The following PYGB variants were observed in gnomAD, a reference collection of about 807,000 sequenced individuals.
The protein encoded by PYGB is glycogen phosphorylase, brain form.
A neutral mutation model predicts 94.3 loss-of-function variants in PYGB; 82 were observed. The observed-to-expected ratio is 0.87, with a 90% CI of 0.73 to 1.04. The LOEUF (loss-of-function observed/expected upper bound fraction) is 1.04. Ranked by LOEUF, PYGB falls within the 50% of genes least tolerant of loss-of-function variation. The probability of loss-of-function intolerance (pLI) is 0.00; values close to 1 mark genes in which losing one functional copy is unlikely to be tolerated. For missense variants in PYGB, 1,132 were observed against 1,158.2 expected, an observed-to-expected ratio of 0.98 and a Z score of 0.33; for synonymous variants, 488 against 479.1, an observed-to-expected ratio of 1.02 and a Z score of -0.24.
chr20:25,285,157 C>G (rs940284408), intron 14 of PYGB: 1 of 152,238 alleles, frequency 6.6e-6, no homozygotes, highest in Non-Finnish European at 1.5e-5. Context: ...AGGCCACCCC[C>G]GCTGAGGACC....
chr20:25,269,038 A>C, intron 2 of PYGB, 91 bp from the exon 3 acceptor site: 1 of 1,132,522 alleles, frequency 8.8e-7, no homozygotes, highest in East Asian at 2.4e-5. Context: ...AACTTTTAGC[A>C]TAAGCTCACA....
chr20:25,255,828 G>A (rs1431978985), intron 1 of PYGB, among the ~76,000 whole-genome samples: 2 of 152,022 alleles, frequency 1.3e-5, no homozygotes, highest in Admixed American at 6.5e-5. Context: ...CCGCCTCCCG[G>A]GTTCAGGCGA....
chr20:25,274,870 C>G, intron 5 of PYGB, 147 bp downstream of exon 5: 2 of 1,247,242 alleles, frequency 1.6e-6, no homozygotes, highest in Non-Finnish European at 1.1e-6. Flanking sequence ...GAGGTTTATT[C>G]TCCTCACTCC....
Position 25,282,090 on chromosome 20 carries a change from CA to C in PYGB, c.1462del (p.Thr488ProfsTer26). 1 of 1,613,744 alleles carries C rather than the reference CA, an allele frequency of 6.2e-7. No individual in the cohort carries two copies. The highest frequency in any genetic ancestry group is 8.5e-7 in the Non-Finnish European group (1 of 1,179,808). On this transcript the variant is annotated frameshift_variant, in exon 12 of 20. Coordinates refer to ENST00000216962, the MANE Select transcript of PYGB (RefSeq NM_002862.4). LOFTEE classifies it high-confidence loss of function. ...AGTTCCAGAATAAGACCAATGGCAT[CA>C]CCCCCCGCCGGTGGCTGCTGCTGTG... ...EKFQNKTNGI[T>X]PRRWLLLCNP...
intron 1 of PYGB, among the ~76,000 whole-genome samples, chr20:25,257,285 G>A (rs1184078093): frequency 6.6e-6 from 1 of 152,246 alleles, no homozygotes; most frequent in Non-Finnish European, 1.5e-5. Flanking sequence ...GGCCCGGCAG[G>A]CCCTGGGCAG....
In PYGB at chr20:25,294,275, G is replaced by C; in HGVS notation, c.2295G>C (p.Met765Ile). 6.6e-7 allele frequency: 1 copy of C among 1,525,174 alleles called. No individual in the cohort carries two copies. The highest frequency in any genetic ancestry group is 8.9e-7 in the Non-Finnish European group (1 of 1,121,968). 94.5% of individuals were successfully genotyped at this position (1,525,174 alleles called of 1,614,324 possible). The change falls in exon 18 of 20, where the codon ATG becomes ATC. Residue 765 changes from methionine (M) to isoleucine (I), a missense_variant. Coordinates refer to ENST00000216962, the MANE Select transcript of PYGB (RefSeq NM_002862.4). Reference sequence around the variant, plus strand: ...ACTGCTTCAAGGACATCGTGAACATGCTGATGCACCATGACAGGTGGGACC... The same window carrying C: ...ACTGCTTCAAGGACATCGTGAACATCCTGATGCACCATGACAGGTGGGACC... Reference protein sequence around the residue: ...EPDCFKDIVNMLMHHDRFKVF... With the variant: ...EPDCFKDIVNILMHHDRFKVF...
At chr20:25,295,212 AATGGAG>A (rs2088521563) in intron 18 of PYGB, among the ~76,000 whole-genome samples, 1 of 152,254 alleles carries the variant, frequency 6.6e-6, no homozygotes, top group Non-Finnish European at 1.5e-5. Context: ...TAAGACGGCA[AATGGAG>A]ATGCCGTTCC....
intron 2 of PYGB, among the ~76,000 whole-genome samples, chr20:25,268,167 C>CCCCT (rs1555806072): frequency 1.7e-4 from 16 of 95,026 alleles, no homozygotes; most frequent in Admixed American, 3.6e-4. Flanking sequence ...ACCCGCCCCC[C>CCCCT]CCCCATATCC....
At chr20:25,287,213 T>C (rs991303147) in intron 14 of PYGB, among the ~76,000 whole-genome samples, 1 of 152,228 alleles carries the variant, frequency 6.6e-6, no homozygotes, top group Non-Finnish European at 1.5e-5. Flanking sequence ...TGAAGAACTT[T>C]GGGGGCCCTC....
chr20:25,264,691 A>G (rs1039304295), intron 2 of PYGB, among the ~76,000 whole-genome samples: 2 of 152,206 alleles, frequency 1.3e-5, no homozygotes, highest in Non-Finnish European at 2.9e-5. Context: ...TTCAAAGAGA[A>G]TAAAATACCT....
Position 25,283,190 on chromosome 20 carries a change from G to A in PYGB, c.1533G>A (p.Glu511=). 6.2e-7 allele frequency: 1 copy of A among 1,613,672 alleles called. No homozygotes were observed. The change falls in exon 13 of 20, where the codon GAG becomes GAA. Residue 511 remains glutamate, a synonymous_variant. Transcript: ENST00000216962. ...ADTIVEKIGE[E]FLTDLSQLKK... Reference sequence around the variant, plus strand: ...ACGTTCTCCAGAAAATTGGGGAGGAGTTCCTGACTGACCTGAGCCAGCTGA... The same window carrying A: ...ACGTTCTCCAGAAAATTGGGGAGGAATTCCTGACTGACCTGAGCCAGCTGA...
In PYGB at chr20:25,297,375, G is replaced by A. The variant is rs1157855246; in HGVS notation, c.*853G>A. 1.3e-5 allele frequency: 2 copies of A among 152,432 alleles called. No individual in the cohort carries two copies. Among genetic ancestry groups the A allele is most frequent in the African/African-American group, 4.8e-5 (2 of 41,462 alleles). 9.4% of individuals were successfully genotyped at this position (152,432 alleles called of 1,614,324 possible). Reference sequence around the variant, plus strand: ...ATTGTACTTGGTCACTTTTGTGCTTGAGGAGGCCCATTTTCTGCCTGGCAG... The same window carrying A: ...ATTGTACTTGGTCACTTTTGTGCTTAAGGAGGCCCATTTTCTGCCTGGCAG... On this transcript the variant is annotated 3_prime_UTR_variant, in exon 20 of 20. Coordinates refer to ENST00000216962, the MANE Select transcript of PYGB (RefSeq NM_002862.4).
intron 19 of PYGB, 61 bp downstream of exon 19, chr20:25,295,731 G>A: frequency 6.6e-7 from 1 of 1,507,010 alleles, no homozygotes; most frequent in Non-Finnish European, 9.2e-7. Context: ...AGACGTGTTG[G>A]GTCAGATTGT....
rs192111502 is a variant in PYGB, at chr20:25,262,031, T to C, written c.345+2693T>C. On this transcript the variant is annotated intron_variant, in intron 2 of 19. Coordinates refer to ENST00000216962, the MANE Select transcript of PYGB (RefSeq NM_002862.4). Reference sequence around the variant, plus strand: ...ATGTATCTGAAAGTGATGGGGAGAATGGCACCAAGTTGGAAAACACTCTTC... The same window carrying C: ...ATGTATCTGAAAGTGATGGGGAGAACGGCACCAAGTTGGAAAACACTCTTC... 6.6e-3 allele frequency among the ~76,000 whole-genome samples: 1,009 copies of C among 152,188 alleles called. 15 individuals are homozygous for C. Among genetic ancestry groups the C allele is most frequent in the African/African-American group, 0.023 (967 of 41,500 alleles).
chr20:25,271,604 C>T, intron 4 of PYGB, 118 bp downstream of exon 4: 2 of 1,122,798 alleles, frequency 1.8e-6, no homozygotes, highest in Non-Finnish European at 2.6e-6. Flanking sequence ...TGCAGGCCGG[C>T]CAGGGCAATG....
At chr20:25,274,079 G>A (rs1256177059) in intron 4 of PYGB, among the ~76,000 whole-genome samples, 3 of 152,158 alleles carry the variant, frequency 2.0e-5, no homozygotes, top group Non-Finnish European at 2.9e-5. Context: ...ATAGAGAGTC[G>A]ATTTCAGTAT....
chr20:25,291,364 C>A (rs1183671370), intron 16 of PYGB, among the ~76,000 whole-genome samples: 1 of 152,188 alleles, frequency 6.6e-6, no homozygotes, highest in African/African-American at 2.4e-5. Flanking sequence ...CTCGTGCTCC[C>A]CTCCTGCCGC....
intron 19 of PYGB, 46 bp from the exon 20 acceptor site, chr20:25,296,324 C>G (rs750678813): frequency 6.2e-7 from 1 of 1,609,808 alleles, no homozygotes; most frequent in East Asian, 2.2e-5. Flanking sequence ...TTTAGCAGCC[C>G]CAAGCCCTGT....
chr20:25,250,862 A>G (rs2092885783), intron 1 of PYGB: 1 of 152,212 alleles, frequency 6.6e-6, no homozygotes, highest in Non-Finnish European at 1.5e-5. Flanking sequence ...GAAAATATAG[A>G]TAAGCCAGAA....
Sources: gnomAD v4.1 joint callset for allele counts (sites outside exome capture counted in the v4.1 genomes callset) on GRCh38, gnomAD v4.1.1 for gene constraint, MANE v1.5 for transcripts, NCBI Gene and HGNC (gene_info 2026-07-23, HGNC 2026-07-21) for gene names.